DCAF8L2: variants seen among roughly 807,000 people sequenced by gnomAD.
The protein encoded by DCAF8L2 is DDB1- and CUL4-associated factor 8-like protein 2.
For synonymous variants in DCAF8L2, 200 were observed against 190.9 expected, an observed-to-expected ratio of 1.05 and a Z score of -0.39; for missense variants, 430 against 490.7, an observed-to-expected ratio of 0.88 and a Z score of 1.17.
chrX:27,694,506 AT>A lies in DCAF8L2; in HGVS notation c.-143+16595del, dbSNP rs201040542. The stretch of plus-strand genomic sequence containing the variant: ...TAGGTAATTAAATCTTAGATGAGCA[AT>A]GTTTCTTATCAAGTATGCAGTTCAG... On this transcript the variant is annotated intron_variant, in intron 3 of 4. Coordinates refer to ENST00000451261, the MANE Select transcript of DCAF8L2 (RefSeq NM_001353450.2). Among the ~76,000 whole-genome samples the A allele has an allele frequency of 9.3e-4, 103 of 110,994 alleles. No homozygotes were observed. In the East Asian group the frequency reaches 0.02, roughly 22 times the overall value.
chrX:27,689,640 A>G (rs928184365), intron 3 of DCAF8L2, among the ~76,000 whole-genome samples: 2 of 112,767 alleles, frequency 1.8e-5, no homozygotes, highest in Admixed American at 9.4e-5. Flanking sequence ...TACTTGTCCA[A>G]TGGAATGCCA....
At chrX:27,602,997 G>T (rs961345285) in intron 1 of DCAF8L2, among the ~76,000 whole-genome samples, 7 of 111,565 alleles carry the variant, frequency 6.3e-5, no homozygotes, top group Admixed American at 1.9e-4. Flanking sequence ...CTATATTTTT[G>T]AAAACAATTA....
the DCAF8L2 span, among the ~76,000 whole-genome samples, chrX:27,517,318 T>C: frequency 9.0e-6 from 1 of 111,089 alleles, no homozygotes; most frequent in East Asian, 2.8e-4. Flanking sequence ...ATGGCAGATA[T>C]GAGAAGGGCA....
the DCAF8L2 span, among the ~76,000 whole-genome samples, chrX:27,556,037 A>G: frequency 2.7e-5 from 3 of 110,409 alleles, no homozygotes; most frequent in Admixed American, 1.9e-4. Flanking sequence ...GCCCGGAGAG[A>G]CAAGTGTACT....
chrX:27,507,931 G>A, the DCAF8L2 span, among the ~76,000 whole-genome samples: 1 of 111,235 alleles, frequency 9.0e-6, no homozygotes, highest in East Asian at 2.8e-4. Context: ...CTCCGCCTCA[G>A]GTACTGTAAG....
chrX:27,575,511 A>G, the DCAF8L2 span, among the ~76,000 whole-genome samples: 2 of 111,408 alleles, frequency 1.8e-5, no homozygotes, highest in African/African-American at 6.5e-5. Flanking sequence ...TATCACTTAA[A>G]GGGACCACAC....
chrX:27,591,399 G>A (rs1926086262), intron 1 of DCAF8L2, among the ~76,000 whole-genome samples: 2 of 110,570 alleles, frequency 1.8e-5, no homozygotes, highest in African/African-American at 3.3e-5. Context: ...CCCCATTGAG[G>A]AGACTGGCTT....
At chrX:27,735,717 G>T (rs1921483712) in intron 4 of DCAF8L2, among the ~76,000 whole-genome samples, 2 of 111,485 alleles carry the variant, frequency 1.8e-5, no homozygotes, top group South Asian at 7.5e-4. Flanking sequence ...GTTGTAGGAA[G>T]AATTCAGCTT....
the DCAF8L2 span, among the ~76,000 whole-genome samples, chrX:27,492,469 TTTTC>T: frequency 9.4e-6 from 1 of 105,851 alleles, no homozygotes; most frequent in Non-Finnish European, 1.9e-5. Context: ...TGTTTTTCTT[TTTTC>T]TTTCTTTCTT....
At chrX:27,678,873 T>C (rs961482665) in intron 3 of DCAF8L2, among the ~76,000 whole-genome samples, 2 of 112,129 alleles carry the variant, frequency 1.8e-5, no homozygotes, top group Non-Finnish European at 3.8e-5. Flanking sequence ...AAAATGTATG[T>C]AGATCTGGAG....
At chrX:27,511,921 A>G in the DCAF8L2 span, among the ~76,000 whole-genome samples, 5 of 111,692 alleles carry the variant, frequency 4.5e-5, no homozygotes, top group Admixed American at 9.5e-5. Flanking sequence ...TAGCAACAAC[A>G]ACAACAAAAA....
At chrX:27,718,327 T>C (rs925602549) in intron 4 of DCAF8L2, among the ~76,000 whole-genome samples, 2 of 112,245 alleles carry the variant, frequency 1.8e-5, no homozygotes, top group African/African-American at 6.5e-5. Flanking sequence ...TTGAGATTCA[T>C]TCATGTTTTT....
At chrX:27,552,979 C>A in the DCAF8L2 span, among the ~76,000 whole-genome samples, 3 of 111,391 alleles carry the variant, frequency 2.7e-5, no homozygotes, top group African/African-American at 9.8e-5. Context: ...TCTTTCAATT[C>A]TTTGGTTATA....
chrX:27,583,911 T>G, the DCAF8L2 span, among the ~76,000 whole-genome samples: 3 of 111,676 alleles, frequency 2.7e-5, no homozygotes, highest in Non-Finnish European at 5.6e-5. Context: ...TCTTTCCATG[T>G]AGCCAGTAAC....
At chrX:27,513,689 G>A in the DCAF8L2 span, among the ~76,000 whole-genome samples, 12 of 95,860 alleles carry the variant, frequency 1.3e-4, no homozygotes, top group Admixed American at 3.5e-4. Context: ...TGGTGACAGA[G>A]CAAGACTCAG....
intron 2 of DCAF8L2, among the ~76,000 whole-genome samples, chrX:27,648,623 AAG>A (rs1929035090): frequency 9.1e-6 from 1 of 109,932 alleles, no homozygotes; most frequent in Non-Finnish European, 1.9e-5. Flanking sequence ...AACATTTTAA[AAG>A]AGGAATTTAG....
chrX:27,473,111 A>G, the DCAF8L2 span, among the ~76,000 whole-genome samples: 1 of 112,370 alleles, frequency 8.9e-6, no homozygotes, highest in Non-Finnish European at 1.9e-5. Flanking sequence ...TAATCACATT[A>G]TGGAGCATGT....
chrX:27,730,458 C>T (rs1040984097), intron 4 of DCAF8L2, among the ~76,000 whole-genome samples: 1 of 111,090 alleles, frequency 9.0e-6, no homozygotes, highest in African/African-American at 3.3e-5. Context: ...CACTCTTTTG[C>T]CCAGGCTGGA....
At chrX:27,745,903 A>G (rs1019040916) in intron 4 of DCAF8L2, among the ~76,000 whole-genome samples, 1 of 112,203 alleles carries the variant, frequency 8.9e-6, no homozygotes, top group East Asian at 2.8e-4. Flanking sequence ...GTTCTATGAC[A>G]TCACATAATT....
Sources: gnomAD v4.1 joint callset for allele counts (sites outside exome capture counted in the v4.1 genomes callset) on GRCh38, gnomAD v4.1.1 for gene constraint, MANE v1.5 for transcripts, NCBI Gene and HGNC (gene_info 2026-07-23, HGNC 2026-07-21) for gene names.